The following NREP variants were observed in gnomAD, a reference collection of about 807,000 sequenced individuals.
NREP encodes the protein neuronal regeneration related protein.
NREP carries 5 observed loss-of-function variants against 8.6 expected under a neutral mutation model. The ratio of observed to expected loss-of-function variants is 0.58; its 90% CI spans 0.30 to 1.22. The LOEUF (loss-of-function observed/expected upper bound fraction) is 1.22, where lower values mean the gene tolerates loss of function less well. Among genes scored for constraint, NREP ranks in the 50% most tolerant of loss-of-function variants. The pLI, the probability that NREP is intolerant of heterozygous loss-of-function variation, is 0.07. For synonymous variants in NREP, 27 were observed against 28.0 expected (o/e 0.96, Z 0.11); for missense variants, 86 against 82.5 (o/e 1.04, Z -0.17).
chr5:111,881,993 G>A (rs185240379), intron 2 of NREP, among the ~76,000 whole-genome samples: 74 of 152,322 alleles, frequency 4.9e-4, no homozygotes, highest in African/African-American at 1.6e-3. Flanking sequence ...TGACTTTGAC[G>A]AGTTGAGAGA....
intron 2 of NREP, among the ~76,000 whole-genome samples, chr5:111,883,272 ACTAT>A (rs1754138542): frequency 6.6e-6 from 1 of 152,246 alleles, no homozygotes; most frequent in Non-Finnish European, 1.5e-5. Context: ...AGAAGAGCTA[ACTAT>A]CCTAAATATA....
intron 2 of NREP, among the ~76,000 whole-genome samples, chr5:111,954,080 C>A (rs1469206321): frequency 2.0e-5 from 3 of 152,024 alleles, no homozygotes; most frequent in Non-Finnish European, 2.9e-5. Context: ...TAGCTTTCAG[C>A]CAAGCACATG....
chr5:111,823,854 A>G (rs1473101271), intron 2 of NREP, among the ~76,000 whole-genome samples: 1 of 152,192 alleles, frequency 6.6e-6, no homozygotes, highest in Non-Finnish European at 1.5e-5. Flanking sequence ...GACAAACAGG[A>G]GCTTAATCAC....
chr5:111,910,771 G>A (rs1006497021), intron 2 of NREP, among the ~76,000 whole-genome samples: 14 of 151,998 alleles, frequency 9.2e-5, no homozygotes, highest in African/African-American at 3.4e-4. Context: ...TGTGATAAGG[G>A]ACCTTATCTA....
intron 2 of NREP, among the ~76,000 whole-genome samples, chr5:111,810,886 C>A (rs1451697197): frequency 6.6e-6 from 1 of 152,100 alleles, no homozygotes; most frequent in Non-Finnish European, 1.5e-5. Context: ...TAAAGTAATT[C>A]TTTCAAGTGC....
intron 2 of NREP, among the ~76,000 whole-genome samples, chr5:111,918,760 A>G (rs1755137327): frequency 6.6e-6 from 1 of 152,230 alleles, no homozygotes; most frequent in Admixed American, 6.5e-5. Flanking sequence ...TAAAAGCCCT[A>G]GAAGAAAACC....
At chr5:111,831,981 AG>A (rs1269839662) in intron 2 of NREP, among the ~76,000 whole-genome samples, 2 of 152,170 alleles carry the variant, frequency 1.3e-5, no homozygotes, top group Non-Finnish European at 2.9e-5. Flanking sequence ...TGTAGGACAA[AG>A]GGTCTCTATG....
chr5:111,963,858 A>G (rs772818943), intron 2 of NREP, among the ~76,000 whole-genome samples: 1 of 152,192 alleles, frequency 6.6e-6, no homozygotes, highest in Non-Finnish European at 1.5e-5. Context: ...TTCTAACTTC[A>G]TATCCACTTC....
intron 2 of NREP, among the ~76,000 whole-genome samples, chr5:111,849,771 T>C (rs993066101): frequency 5.9e-5 from 9 of 152,142 alleles, no homozygotes; most frequent in African/African-American, 1.9e-4. Context: ...TAGACTCCCT[T>C]GTAGCTAGGT....
At chr5:111,759,163 C>A (rs1750898314), upstream of NREP, among the ~76,000 whole-genome samples, 1 of 152,126 alleles carries the variant, frequency 6.6e-6, no homozygotes, top group Non-Finnish European at 1.5e-5. Context: ...AGTCTGGAAC[C>A]CCAACACGCT....
intron 2 of NREP, among the ~76,000 whole-genome samples, chr5:111,917,429 T>A (rs1443357930): frequency 6.6e-6 from 1 of 152,056 alleles, no homozygotes; most frequent in East Asian, 1.9e-4. Flanking sequence ...CAGGCCAATA[T>A]CCCTGCTGAA....
chr5:111,774,243 GGGAGGGAGGGAA>G (rs1561661200), intron 2 of NREP, among the ~76,000 whole-genome samples: 2 of 117,124 alleles, frequency 1.7e-5, no homozygotes, highest in African/African-American at 7.5e-5. Context: ...GAAGGAAGAA[GGGAGGGAGGGAA>G]GGAGGGAGAG....
chr5:111,946,301 C>A (rs918713530), intron 2 of NREP, among the ~76,000 whole-genome samples: 3 of 151,632 alleles, frequency 2.0e-5, no homozygotes, highest in Non-Finnish European at 4.4e-5. Flanking sequence ...CTCAAATGAA[C>A]CTTAACAAAG....
At chr5:111,910,009 A>C (rs1754870123) in intron 2 of NREP, among the ~76,000 whole-genome samples, 1 of 152,102 alleles carries the variant, frequency 6.6e-6, no homozygotes, top group Admixed American at 6.6e-5. Flanking sequence ...GACTGACTTG[A>C]TTAGTAAGTT....
intron 3 of NREP, chr5:111,733,837 C>T (rs1326493413): frequency 2.0e-5 from 3 of 152,098 alleles, no homozygotes; most frequent in Non-Finnish European, 4.4e-5. Context: ...GATCAGCCCT[C>T]CCGACAGATG....
At chr5:111,748,597 T>A (rs1009747889) in intron 2 of NREP, among the ~76,000 whole-genome samples, 11 of 152,184 alleles carry the variant, frequency 7.2e-5, no homozygotes, top group African/African-American at 2.7e-4. Flanking sequence ...TTAGGAAATG[T>A]CAGTGAAGGT....
chr5:111,828,570 C>T (rs557058672), intron 2 of NREP, among the ~76,000 whole-genome samples: 1 of 152,110 alleles, frequency 6.6e-6, no homozygotes, highest in East Asian at 1.9e-4. Context: ...ACTTAAGAGC[C>T]TTAAAGATTA....
At chr5:111,769,365 A>T (rs1257054608) in intron 2 of NREP, among the ~76,000 whole-genome samples, 1 of 152,232 alleles carries the variant, frequency 6.6e-6, no homozygotes, top group Non-Finnish European at 1.5e-5. Context: ...AGGCACAAGA[A>T]ACAAATTAGT....
At chr5:111,959,190 A>C (rs1483053534) in intron 2 of NREP, among the ~76,000 whole-genome samples, 1 of 152,018 alleles carries the variant, frequency 6.6e-6, no homozygotes, top group Non-Finnish European at 1.5e-5. Context: ...ACTATATAAA[A>C]TGTACAATGG....
Sources: gnomAD v4.1 joint callset for allele counts (sites outside exome capture counted in the v4.1 genomes callset) on GRCh38, gnomAD v4.1.1 for gene constraint, MANE v1.5 for transcripts, NCBI Gene and HGNC (gene_info 2026-07-23, HGNC 2026-07-21) for gene names.